The following YEATS2 variants were observed in gnomAD, a reference collection of about 807,000 sequenced individuals.
The protein encoded by YEATS2 is YEATS domain containing 2.
A neutral mutation model predicts 163.2 loss-of-function variants in YEATS2; 77 were observed. The ratio of observed to expected loss-of-function variants is 0.47; its 90% confidence interval spans 0.39 to 0.57. The LOEUF is 0.57. Ranked by LOEUF, YEATS2 falls within the 20% of genes least tolerant of loss-of-function variation. The pLI, the probability that YEATS2 is intolerant of heterozygous loss-of-function variation, is 0.00. For missense variants in YEATS2, 1,549 were observed against 1,729.8 expected, an observed-to-expected ratio of 0.90 and a Z score of 1.85; for synonymous variants, 631 against 645.1, an observed-to-expected ratio of 0.98 and a Z score of 0.33.
intron 8 of YEATS2, among the ~76,000 whole-genome samples, chr3:183,746,646 C>T: frequency 7.0e-6 from 1 of 142,766 alleles, no homozygotes; most frequent in Non-Finnish European, 1.5e-5. Flanking sequence ...ATGGATGTAA[C>T]CTAAAATTAC....
intron 5 of YEATS2, among the ~76,000 whole-genome samples, chr3:183,723,808 A>G (rs1716783302): frequency 6.6e-6 from 1 of 152,010 alleles, no homozygotes; most frequent in African/African-American, 2.4e-5. Context: ...TCTACTCGAG[A>G]GGCTGAGGCA....
chr3:183,715,315 G>T (rs545539462), intron 2 of YEATS2, 53 bp downstream of exon 2: 1 of 1,323,706 alleles, frequency 7.6e-7, no homozygotes, highest in Non-Finnish European at 1.1e-6. Context: ...GCCTCCGCTA[G>T]AAAACTTACA....
chr3:183,707,242 C>T (rs1057513771), intron 1 of YEATS2, among the ~76,000 whole-genome samples: 7 of 152,200 alleles, frequency 4.6e-5, no homozygotes, highest in Admixed American at 2.0e-4. Context: ...GTCCCTAACA[C>T]CAGCACCTCC....
chr3:183,751,987 C>T, intron 9 of YEATS2, 86 bp from the exon 10 acceptor site: 1 of 1,446,262 alleles, frequency 6.9e-7, no homozygotes, highest in Non-Finnish European at 9.6e-7. Flanking sequence ...CTCTCACATC[C>T]CGGAGATTAC....
At chr3:183,730,075 T>G (rs1331293450) in intron 7 of YEATS2, among the ~76,000 whole-genome samples, 34 of 114,562 alleles carry the variant, frequency 3.0e-4, no homozygotes, top group African/African-American at 1.2e-3. Flanking sequence ...TTTTTTTTTT[T>G]TTTTTTTTTT....
chr3:183,720,133 C>T (rs973307192), intron 4 of YEATS2, among the ~76,000 whole-genome samples: 3 of 152,216 alleles, frequency 2.0e-5, no homozygotes, highest in East Asian at 1.9e-4. Flanking sequence ...TCAGCAGGCA[C>T]CTAGTTCCAG....
At chr3:183,723,296 A>G (rs976013408) in intron 5 of YEATS2, among the ~76,000 whole-genome samples, 3 of 152,170 alleles carry the variant, frequency 2.0e-5, no homozygotes, top group Non-Finnish European at 2.9e-5. Flanking sequence ...CTATAGAGTC[A>G]TTATTGGATT....
chr3:183,754,088 A>G (rs201933240), intron 10 of YEATS2, 38 bp from the exon 11 acceptor site: 38 of 1,508,532 alleles, frequency 2.5e-5, no homozygotes, highest in Non-Finnish European at 3.3e-5. Context: ...TTTCAAAGCG[A>G]TTGATGACTT....
At chr3:183,752,875 G>T (rs1720335287) in intron 10 of YEATS2, among the ~76,000 whole-genome samples, 1 of 151,430 alleles carries the variant, frequency 6.6e-6, no homozygotes, top group African/African-American at 2.4e-5. Flanking sequence ...TCGCCTCACT[G>T]CAACCTCCAC....
chr3:183,717,801 A>G (rs1201665866), intron 3 of YEATS2, 53 bp downstream of exon 3: 6 of 1,109,742 alleles, frequency 5.4e-6, no homozygotes, highest in Non-Finnish European at 7.4e-6. Flanking sequence ...AAAAATGTAT[A>G]CATGATTGAA....
At chr3:183,730,058 T>TGTTTGTTG (rs1560244369) in intron 7 of YEATS2, among the ~76,000 whole-genome samples, 1 of 41,558 alleles carries the variant, frequency 2.4e-5, no homozygotes, top group African/African-American at 1.4e-4. Context: ...GTTTGTTTTT[T>TGTTTGTTG]TTTTTTTTTT....
intron 9 of YEATS2, among the ~76,000 whole-genome samples, chr3:183,749,298 G>A (rs1446565851): frequency 2.0e-5 from 3 of 152,100 alleles, no homozygotes; most frequent in Non-Finnish European, 2.9e-5. Flanking sequence ...AAAATTTACC[G>A]TCTTACCCAT....
intron 12 of YEATS2, among the ~76,000 whole-genome samples, chr3:183,757,678 A>C (rs986374388): frequency 2.6e-5 from 4 of 152,184 alleles, no homozygotes; most frequent in Non-Finnish European, 4.4e-5. Context: ...AATAAAAGGG[A>C]TGATTATAAG....
Position 183,757,051 on chromosome 3 carries a change from A to G in YEATS2, c.1552+362A>G, listed in dbSNP as rs116305566. Reference sequence around the variant, plus strand: ...AGCTTTTGCTAACCTTGTGGGCCACATACCGTTCTCCCCAGTCAAATAAAA... The same window carrying G: ...AGCTTTTGCTAACCTTGTGGGCCACGTACCGTTCTCCCCAGTCAAATAAAA... On this transcript the variant is annotated intron_variant, in intron 12 of 30. Transcript: ENST00000305135. Among the ~76,000 whole-genome samples, 788 of 152,300 alleles carry G rather than the reference A, an allele frequency of 5.2e-3. 6 individuals are homozygous for G. The highest frequency in any genetic ancestry group is 6.5e-3 in the Non-Finnish European group (445 of 68,036).
intron 23 of YEATS2, 66 bp from the exon 24 acceptor site, chr3:183,800,400 G>A (rs939547575): frequency 1.7e-6 from 2 of 1,168,014 alleles, no homozygotes; most frequent in African/African-American, 1.5e-5. Flanking sequence ...AGCTTTGTTT[G>A]TGCCTGCACG....
intron 1 of YEATS2, among the ~76,000 whole-genome samples, chr3:183,704,263 CTTGT>C (rs1714399309): frequency 6.6e-6 from 1 of 151,612 alleles, no homozygotes; most frequent in Non-Finnish European, 1.5e-5. Context: ...GTTCGTTCTG[CTTGT>C]TTCTTTTTCT....
intron 19 of YEATS2, among the ~76,000 whole-genome samples, chr3:183,781,974 C>T (rs1392765605): frequency 2.0e-5 from 3 of 151,782 alleles, no homozygotes; most frequent in African/African-American, 7.3e-5. Context: ...TTTTGTCTTT[C>T]TTGAACTTCA....
rs374238279 is a variant in YEATS2 at position 183,718,436 on chromosome 3, ATTGT to A, written c.199-59_199-56del. On this transcript the variant is annotated intron_variant, in intron 3 of 30. Coordinates refer to ENST00000305135, the MANE Select transcript of YEATS2 (RefSeq NM_018023.5). ...CTCATTCACGTTTCTTATTTTGTGA[ATTGT>A]TTGTACATCTCTTTTATAATTGCCG... 3.4e-4 allele frequency: 423 copies of A among 1,245,946 alleles called. 4 individuals carry two copies. The South Asian group carries it at 4.0e-3, about 12-fold the overall frequency. The allele number at this position is 1,245,946 out of a possible 1,614,324, so 77.2% of individuals were successfully genotyped here.
At position 183,762,180 on chromosome 3, in the gene YEATS2, G is replaced by A; in HGVS notation, c.1848G>A (p.Val616=). 6.2e-7 allele frequency: 1 copy of A among 1,614,158 alleles called. No individual in the cohort carries two copies. The highest frequency in any genetic ancestry group is 1.7e-5 in the Admixed American group (1 of 60,022). The change falls in exon 15 of 31, where the codon GTG becomes GTA. Residue 616 remains valine, a synonymous_variant. Coordinates refer to ENST00000305135, the MANE Select transcript of YEATS2 (RefSeq NM_018023.5). ...GCCAGTCACCACTCCCGCAGTATGT[G>A]ACTGTGAAAGGGGGTCACATGATAG... ...AASQSPLPQY[V]TVKGGHMIAV...
Sources: allele counts gnomAD v4.1 joint callset (sites outside exome capture counted in the v4.1 genomes callset), GRCh38; gene constraint gnomAD v4.1.1; transcripts MANE v1.5; gene names NCBI Gene and HGNC (gene_info 2026-07-23, HGNC 2026-07-21).